PTPRD: variants seen among roughly 807,000 people sequenced by gnomAD.
PTPRD encodes receptor-type tyrosine-protein phosphatase delta.
A neutral mutation model predicts 214.5 loss-of-function variants in PTPRD; 34 were observed. The ratio of observed to expected loss-of-function variants is 0.16; its 90% CI spans 0.12 to 0.21. The LOEUF (loss-of-function observed/expected upper bound fraction) is 0.21, where lower values mean the gene tolerates loss of function less well. PTPRD is among the 10% of genes least tolerant of loss of function. PTPRD has a pLI of 1.00. For synonymous variants in PTPRD, 1,128 were observed against 845.7 expected (o/e 1.33, Z -5.79); for missense variants, 2,545 against 2,398.7 (o/e 1.06, Z -1.27).
chr9:8,993,017 G>C (rs1049352164), intron 11 of PTPRD, among the ~76,000 whole-genome samples: 2 of 152,120 alleles, frequency 1.3e-5, no homozygotes, highest in Admixed American at 6.6e-5. Context: ...CTGAGCCGTT[G>C]GAATTCTCTT....
At chr9:9,896,634 G>T (rs925102353) in intron 5 of PTPRD, among the ~76,000 whole-genome samples, 1 of 151,966 alleles carries the variant, frequency 6.6e-6, no homozygotes, top group Non-Finnish European at 1.5e-5. Context: ...AATTAGATCC[G>T]AGGAATTCAT....
At chr9:8,590,755 C>G (rs1036025190) in intron 14 of PTPRD, among the ~76,000 whole-genome samples, 1 of 152,118 alleles carries the variant, frequency 6.6e-6, no homozygotes, top group South Asian at 2.1e-4. Flanking sequence ...GCAAGTTTAA[C>G]CAGCTACAAA....
intron 11 of PTPRD, among the ~76,000 whole-genome samples, chr9:8,832,638 G>T (rs1193712878): frequency 6.6e-6 from 1 of 151,998 alleles, no homozygotes; most frequent in Non-Finnish European, 1.5e-5. Flanking sequence ...TTAACAAAGT[G>T]ATTTTGATTA....
intron 9 of PTPRD, among the ~76,000 whole-genome samples, chr9:9,259,907 G>C (rs952343926): frequency 2.6e-5 from 4 of 151,830 alleles, no homozygotes; most frequent in Non-Finnish European, 4.4e-5. Flanking sequence ...GATGCGAGGA[G>C]GGTTTAAGGA....
intron 11 of PTPRD, among the ~76,000 whole-genome samples, chr9:8,949,921 A>G (rs2099092511): frequency 6.6e-6 from 1 of 152,120 alleles, no homozygotes; most frequent in Non-Finnish European, 1.5e-5. Context: ...AGTTACTTTT[A>G]TTTGCCTATT....
At chr9:8,904,752 G>A (rs1385276734) in intron 11 of PTPRD, among the ~76,000 whole-genome samples, 1 of 151,284 alleles carries the variant, frequency 6.6e-6, no homozygotes, top group Non-Finnish European at 1.5e-5. Context: ...ATATTACTGT[G>A]GTCTGTAGAT....
chr9:8,604,592 A>C (rs1595052058), intron 14 of PTPRD, among the ~76,000 whole-genome samples: 2 of 152,298 alleles, frequency 1.3e-5, no homozygotes, highest in Non-Finnish European at 2.9e-5. Context: ...CAGTCAAGGA[A>C]CAGATGCCAA....
intron 11 of PTPRD, among the ~76,000 whole-genome samples, chr9:8,976,939 T>C (rs142984627): frequency 1.3e-5 from 2 of 152,216 alleles, no homozygotes; most frequent in Admixed American, 1.3e-4. Context: ...GCTTCAGTTC[T>C]ACTTCTCCAT....
At chr9:10,472,827 CATT>C (rs1225763934) in intron 2 of PTPRD, among the ~76,000 whole-genome samples, 1 of 151,680 alleles carries the variant, frequency 6.6e-6, no homozygotes, top group Admixed American at 6.6e-5. Context: ...AGAAAACAAT[CATT>C]ATAATTATAA....
At chr9:10,113,395 G>A (rs985354073) in intron 3 of PTPRD, among the ~76,000 whole-genome samples, 101 of 152,230 alleles carry the variant, frequency 6.6e-4, no homozygotes, top group African/African-American at 1.9e-3. Flanking sequence ...TTCCCACACC[G>A]TGCTTCCTCT....
At chr9:10,606,396 A>T (rs2079367806) in intron 2 of PTPRD, among the ~76,000 whole-genome samples, 1 of 151,822 alleles carries the variant, frequency 6.6e-6, no homozygotes, top group South Asian at 2.1e-4. Context: ...ATTTGAGGCC[A>T]ATTATTGGGA....
At chr9:8,614,883 A>C (rs766100139) in intron 14 of PTPRD, among the ~76,000 whole-genome samples, 2 of 152,178 alleles carry the variant, frequency 1.3e-5, no homozygotes, top group Admixed American at 6.6e-5. Flanking sequence ...AAGTAACTCC[A>C]CCAAGGAAGA....
chr9:10,534,780 G>A (rs1228270255), intron 2 of PTPRD, among the ~76,000 whole-genome samples: 1 of 152,110 alleles, frequency 6.6e-6, no homozygotes, highest in Non-Finnish European at 1.5e-5. Flanking sequence ...CAATTTGAGA[G>A]GCACCATTTC....
chr9:8,341,040 C>A, intron 41 of PTPRD, 50 bp downstream of exon 41: 2 of 1,482,088 alleles, frequency 1.3e-6, no homozygotes, highest in Non-Finnish European at 1.8e-6. Context: ...TAAACTAGGG[C>A]ACATGTAAAT....
At chr9:9,824,865 C>G (rs1342699154) in intron 5 of PTPRD, among the ~76,000 whole-genome samples, 1 of 151,916 alleles carries the variant, frequency 6.6e-6, no homozygotes, top group African/African-American at 2.4e-5. Flanking sequence ...GTATTCATGT[C>G]CAGGCACAAA....
At chr9:9,715,626 G>A (rs1472695787) in intron 7 of PTPRD, among the ~76,000 whole-genome samples, 1 of 151,946 alleles carries the variant, frequency 6.6e-6, no homozygotes, top group Non-Finnish European at 1.5e-5. Context: ...ACTTCAAATA[G>A]AATCTAGATA....
intron 5 of PTPRD, among the ~76,000 whole-genome samples, chr9:9,835,224 G>C (rs915915979): frequency 2.6e-5 from 4 of 152,074 alleles, no homozygotes; most frequent in African/African-American, 4.8e-5. Context: ...CTTGGCTCCA[G>C]CAGGATAATA....
At chr9:9,618,906 A>G (rs554848572) in intron 7 of PTPRD, among the ~76,000 whole-genome samples, 17 of 152,132 alleles carry the variant, frequency 1.1e-4, no homozygotes, top group South Asian at 2.1e-4. Context: ...CAAACAAAGG[A>G]AAAAAAACCT....
Position 9,216,105 on chromosome 9 carries a change from GTTACCAACC to G in PTPRD, c.-202-32751_-202-32743del, listed in dbSNP as rs142889313. 1.6e-4 allele frequency among the ~76,000 whole-genome samples: 24 copies of G among 152,252 alleles called. No homozygotes were observed. In the East Asian group the frequency reaches 4.1e-3, roughly 26 times the overall value. Reference sequence around the variant, plus strand: ...TTACTAGCTATGTGACACTGGTATAGTTACCAACCTTCTAAGTCTCAGTTTAGTCACCTT... The same window carrying G: ...TTACTAGCTATGTGACACTGGTATAGTTCTAAGTCTCAGTTTAGTCACCTT... On this transcript the variant is annotated intron_variant, in intron 9 of 45. Transcript: ENST00000381196.
Sources: gnomAD v4.1 joint callset for allele counts (sites outside exome capture counted in the v4.1 genomes callset) on GRCh38, gnomAD v4.1.1 for gene constraint, MANE v1.5 for transcripts, NCBI Gene and HGNC (gene_info 2026-07-23, HGNC 2026-07-21) for gene names.